Variants in LINGO1 observed in about 807,000 individuals in gnomAD.
LINGO1 encodes the protein leucine-rich repeat and immunoglobulin-like domain-containing nogo receptor-interacting protein 1.
In LINGO1, 11 loss-of-function variants were observed where a neutral mutation model predicts 37.3. That is an observed-to-expected ratio of 0.29 (90% CI 0.19 to 0.49). The LOEUF is 0.49. Ranked by LOEUF, LINGO1 falls within the 20% of genes least tolerant of loss-of-function variation. The pLI, the probability that LINGO1 is intolerant of heterozygous loss-of-function variation, is 0.99. For synonymous variants in LINGO1, 387 were observed against 403.0 expected, an observed-to-expected ratio of 0.96 and a Z score of 0.48; for missense variants, 585 against 878.2, an observed-to-expected ratio of 0.67 and a Z score of 4.22.
intron 2 of LINGO1, among the ~76,000 whole-genome samples, chr15:77,792,017 T>A (rs919230021): frequency 6.6e-6 from 1 of 152,080 alleles, no homozygotes; most frequent in Admixed American, 6.6e-5. Flanking sequence ...AGGCTTCAGA[T>A]ACCACCCAGA....
chr15:77,797,261 AAT>A, intron 1 of LINGO1, among the ~76,000 whole-genome samples: 1 of 152,286 alleles, frequency 6.6e-6, no homozygotes, highest in Non-Finnish European at 1.5e-5. Context: ...CCAAGTCCCA[AAT>A]ATCTTTCTGA....
In LINGO1 at chr15:77,614,539, G is replaced by A. The variant is rs761847470; in HGVS notation, c.1368C>T (p.Ile456=). ...CRADGDPPPA[I]LWLSPRKHLV... ...GGTGCTTTCGGGGTGAGAGCCAGAGGATGGCGGGCGGCGGGTCGCCATCGG... is the reference window on the plus strand; with the variant it reads ...GGTGCTTTCGGGGTGAGAGCCAGAGAATGGCGGGCGGCGGGTCGCCATCGG... Residue 456 remains isoleucine (I), a synonymous_variant, in exon 2 of 2, where the codon ATC becomes ATT. Coordinates refer to ENST00000355300, the MANE Select transcript of LINGO1 (RefSeq NM_032808.7). 2 of 1,610,818 alleles carry A rather than the reference G, an allele frequency of 1.2e-6. No individual in the cohort carries two copies. The highest frequency in any genetic ancestry group is 1.7e-6 in the Non-Finnish European group (2 of 1,179,498).
rs1317183707 is a variant in LINGO1 at position 77,632,402 on chromosome 15, C to T, written c.-87G>A. On this transcript the variant is annotated 5_prime_UTR_variant, in exon 1 of 2. Coordinates refer to ENST00000355300, the MANE Select transcript of LINGO1 (RefSeq NM_032808.7). This position sits in a 1 kb window ranked among gnomAD's most constrained non-coding sequence, Gnocchi z 6.0. Reference sequence around the variant, plus strand: ...GACCAGGCCCCAGCCCCTGCCCAGCCCCCTCCTCCGTTTCCTCCTCCTCCG... The same window carrying T: ...GACCAGGCCCCAGCCCCTGCCCAGCTCCCTCCTCCGTTTCCTCCTCCTCCG... 8.7e-6 allele frequency: 11 copies of T among 1,269,784 alleles called. No individual in the cohort carries two copies. The highest frequency in any genetic ancestry group is 1.0e-5 in the Non-Finnish European group (10 of 1,000,716). The allele number at this position is 1,269,784 out of a possible 1,614,324, so 78.7% of individuals were successfully genotyped here.
chr15:77,674,841 C>A (rs146216965), intron 3 of LINGO1, among the ~76,000 whole-genome samples: 17 of 152,006 alleles, frequency 1.1e-4, no homozygotes, highest in African/African-American at 4.1e-4. Context: ...TGTCTCTCCT[C>A]CATCACAGCT....
At position 77,624,163 on chromosome 15, in the gene LINGO1, C is replaced by CTG. The variant is rs56162459; in HGVS notation, c.6+8145_6+8146dup. Among the ~76,000 whole-genome samples the CTG allele has an allele frequency of 1.9e-3, 257 of 131,862 alleles. 1 individual carries two copies. Among genetic ancestry groups the CTG allele is most frequent in the East Asian group, 0.013 (57 of 4,334 alleles). 86.5% of individuals were successfully genotyped at this position (131,862 alleles called of 152,430 possible). A position where few individuals can be genotyped will look rare whatever the true frequency, so the allele number is the denominator to read the frequency against. On this transcript the variant is annotated intron_variant, in intron 1 of 1. Transcript: ENST00000355300. The stretch of plus-strand genomic sequence containing the variant: ...TGTGTGTGATGTGTGTGAGTGGCCT[C>CTG]TGTGTGTGTGTGTGTGTGTGTGTGT...
chr15:77,813,511 T>C (rs1053800887), intron 1 of LINGO1, among the ~76,000 whole-genome samples: 5 of 152,114 alleles, frequency 3.3e-5, no homozygotes, highest in African/African-American at 4.8e-5. Flanking sequence ...CAGCCTGGGC[T>C]TGGGAAGGTC....
chr15:77,723,986 C>T (rs1288803887), intron 2 of LINGO1, among the ~76,000 whole-genome samples: 1 of 152,226 alleles, frequency 6.6e-6, no homozygotes, highest in East Asian at 1.9e-4. Flanking sequence ...TTTCTCTCCC[C>T]TCCCCCTGCC....
intron 1 of LINGO1, among the ~76,000 whole-genome samples, chr15:77,769,443 C>T (rs2076562057): frequency 6.6e-6 from 1 of 152,200 alleles, no homozygotes; most frequent in Non-Finnish European, 1.5e-5. Context: ...CACCCTGGGA[C>T]GTGCTCTGGC....
chr15:77,712,064 C>T (rs1471982038), intron 2 of LINGO1, among the ~76,000 whole-genome samples: 1 of 152,164 alleles, frequency 6.6e-6, no homozygotes, highest in Non-Finnish European at 1.5e-5. Flanking sequence ...ACTTCCTGGC[C>T]ACTTCCCCTC....
chr15:77,615,376 A>G lies in LINGO1; in HGVS notation c.531T>C (p.Asn177=), dbSNP rs374454530. 2.5e-6 allele frequency: 4 copies of G among 1,613,860 alleles called. No homozygotes were observed. The African/African-American group carries it at 5.3e-5, about 22-fold the overall frequency. ...YNLKSLEVGD[N]DLVYISHRAF... ...CGCGGTGAGAGATGTAGACGAGGTC[A>G]TTGTCGCCAACCTCCAGTGACTTGA... The change falls in exon 2 of 2, where the codon AAT becomes AAC. Residue 177 remains asparagine (N), a synonymous_variant. Transcript: ENST00000355300.
At chr15:77,646,469 G>A (rs1402222846) in intron 3 of LINGO1, 1 of 455,880 alleles carries the variant, frequency 2.2e-6, no homozygotes, top group Non-Finnish European at 4.4e-6. Context: ...GTGACTCATA[G>A]CAAAGTAAGA....
chr15:77,724,663 G>A (rs2076084684), intron 2 of LINGO1, among the ~76,000 whole-genome samples: 1 of 152,224 alleles, frequency 6.6e-6, no homozygotes, highest in Non-Finnish European at 1.5e-5. Context: ...GTGAGGAATG[G>A]ATGAGGGGGA....
intron 2 of LINGO1, among the ~76,000 whole-genome samples, chr15:77,714,765 C>G (rs921626137): frequency 2.6e-5 from 4 of 152,214 alleles, no homozygotes; most frequent in African/African-American, 9.7e-5. Flanking sequence ...GCCTGGCTTG[C>G]CTGGGCACGG....
intron 2 of LINGO1, among the ~76,000 whole-genome samples, chr15:77,711,256 G>A (rs1304836616): frequency 6.6e-6 from 1 of 152,192 alleles, no homozygotes; most frequent in Non-Finnish European, 1.5e-5. Flanking sequence ...ATGTTCCACT[G>A]TTTAACATTA....
At chr15:77,647,713 A>G in intron 3 of LINGO1, 1 of 370,686 alleles carries the variant, frequency 2.7e-6, no homozygotes, top group Non-Finnish European at 5.3e-6. Context: ...AACGTTGCAC[A>G]CCTCTGTGCT....
At chr15:77,665,823 C>T (rs2075117595) in intron 3 of LINGO1, among the ~76,000 whole-genome samples, 1 of 152,232 alleles carries the variant, frequency 6.6e-6, no homozygotes, top group Middle Eastern at 3.2e-3. Flanking sequence ...GCCTGTGGTA[C>T]TCATTCCTCT....
intron 2 of LINGO1, among the ~76,000 whole-genome samples, chr15:77,730,889 C>T (rs2076148209): frequency 6.6e-6 from 1 of 152,172 alleles, no homozygotes; most frequent in South Asian, 2.1e-4. Flanking sequence ...CTCTTCAGCA[C>T]CTTGAGGTGC....
intron 2 of LINGO1, among the ~76,000 whole-genome samples, chr15:77,684,743 A>G (rs6495244): frequency 0.36 from 54,389 of 152,028 alleles, 10,887 homozygotes; most frequent in African/African-American, 0.54. Context: ...GTTTGTAGAG[A>G]TGCAGTCCCT....
At chr15:77,662,428 A>C (rs745495818) in intron 3 of LINGO1, among the ~76,000 whole-genome samples, 1 of 152,134 alleles carries the variant, frequency 6.6e-6, no homozygotes, top group Non-Finnish European at 1.5e-5. Context: ...AGGTTCTCAA[A>C]GAGGGAACAG....
Sources: gnomAD v4.1 joint callset for allele counts (sites outside exome capture counted in the v4.1 genomes callset) on GRCh38, gnomAD v4.1.1 for gene constraint, Gnocchi (gnomAD v3.1) non-coding constraint, MANE v1.5 for transcripts, NCBI Gene and HGNC (gene_info 2026-07-23, HGNC 2026-07-21) for gene names.